PPP6R3: variants seen among roughly 807,000 people sequenced by gnomAD.
PPP6R3 encodes serine/threonine-protein phosphatase 6 regulatory subunit 3.
Under a neutral mutation model 110.7 loss-of-function variants are expected in PPP6R3, and 38 were observed. The ratio of observed to expected loss-of-function variants is 0.34; its 90% CI spans 0.26 to 0.45. The LOEUF (loss-of-function observed/expected upper bound fraction) is 0.45. Ranked by LOEUF, PPP6R3 falls within the 20% of genes least tolerant of loss-of-function variation. The pLI is 1.00. For synonymous variants in PPP6R3, 369 were observed against 373.5 expected (o/e 0.99, Z 0.14); for missense variants, 870 against 1,062.4 (o/e 0.82, Z 2.52).
In PPP6R3 at chr11:68,544,910, A is replaced by G. The variant is rs1565736824; in HGVS notation, c.300A>G (p.Glu100=). The change falls in exon 4 of 24, where the codon GAA becomes GAG. Residue 100 remains glutamate (E), a synonymous_variant. Transcript: ENST00000393800. The part of the protein sequence containing the change: ...SQMNDRLGED[E]SLLMKLYSFL... ...TGAATGATAGACTGGGAGAAGATGAATCCTTGCTAATGAAATTATATAGCT... is the reference window on the plus strand; with the variant it reads ...TGAATGATAGACTGGGAGAAGATGAGTCCTTGCTAATGAAATTATATAGCT... 6.2e-7 allele frequency: 1 copy of G among 1,606,070 alleles called. No individual in the cohort carries two copies. The highest frequency in any genetic ancestry group is 8.5e-7 in the Non-Finnish European group (1 of 1,172,756).
At chr11:68,599,949 T>G (rs541683585) in intron 19 of PPP6R3, among the ~76,000 whole-genome samples, 2 of 152,144 alleles carry the variant, frequency 1.3e-5, no homozygotes, top group Non-Finnish European at 2.9e-5. Context: ...CAGTGAAACC[T>G]GTCTCTACTA....
At position 68,537,653 on chromosome 11, in the gene PPP6R3, G is replaced by A; in HGVS notation, c.-6-6G>A. 1 of 1,509,918 alleles carries A rather than the reference G, an allele frequency of 6.6e-7. No homozygotes were observed. The highest frequency in any genetic ancestry group is 9.1e-7 in the Non-Finnish European group (1 of 1,102,300). The allele number at this position is 1,509,918 out of a possible 1,614,324, so 93.5% of individuals were successfully genotyped here. Reference sequence around the variant, plus strand: ...TTTTATGAAATACTTTCTGCATTTTGTTTAGACCAGCATGTTTTGGAAATT... The same window carrying A: ...TTTTATGAAATACTTTCTGCATTTTATTTAGACCAGCATGTTTTGGAAATT... On this transcript the variant is annotated splice_region_variant and splice_polypyrimidine_tract_variant and intron_variant, in intron 2 of 23. Coordinates refer to ENST00000393800, the MANE Select transcript of PPP6R3 (RefSeq NM_001164161.2).
At chr11:68,492,108 A>G (rs1192446964) in intron 1 of PPP6R3, among the ~76,000 whole-genome samples, 1 of 152,190 alleles carries the variant, frequency 6.6e-6, no homozygotes. Context: ...CTTCAAGCAC[A>G]GTGTCTTCAA....
At chr11:68,578,210 G>A (rs1330428646) in intron 14 of PPP6R3, among the ~76,000 whole-genome samples, 2 of 152,128 alleles carry the variant, frequency 1.3e-5, no homozygotes, top group African/African-American at 4.8e-5. Context: ...TCCAGAATGT[G>A]TTCAAGCTGT....
chr11:68,581,582 G>A (rs1341408165), intron 14 of PPP6R3, among the ~76,000 whole-genome samples: 2 of 152,214 alleles, frequency 1.3e-5, no homozygotes, highest in African/African-American at 4.8e-5. Context: ...CAAGTGGCCC[G>A]AAGCTCCTCT....
intron 2 of PPP6R3, among the ~76,000 whole-genome samples, chr11:68,532,035 A>T (rs2099243887): frequency 6.6e-6 from 1 of 152,194 alleles, no homozygotes; most frequent in South Asian, 2.1e-4. Context: ...AGATAGACTG[A>T]TGTTCTTGTT....
At chr11:68,500,286 CT>C (rs879619295) in intron 1 of PPP6R3, among the ~76,000 whole-genome samples, 81 of 145,150 alleles carry the variant, frequency 5.6e-4, no homozygotes, top group Admixed American at 6.9e-4. Context: ...TAAGACCTAC[CT>C]TTTTTTTTTT....
At chr11:68,489,614 G>A (rs540743543) in intron 1 of PPP6R3, among the ~76,000 whole-genome samples, 3 of 150,442 alleles carry the variant, frequency 2.0e-5, no homozygotes, top group Non-Finnish European at 3.0e-5. Flanking sequence ...TGGCAACCCC[G>A]TATTTGCCAG....
intron 22 of PPP6R3, among the ~76,000 whole-genome samples, chr11:68,604,264 T>C (rs1366929673): frequency 6.6e-6 from 1 of 152,260 alleles, no homozygotes; most frequent in Admixed American, 6.5e-5. Flanking sequence ...ACCAAGGATA[T>C]GTGCTCCAGT....
chr11:68,507,588 C>A (rs2099085576), intron 1 of PPP6R3, among the ~76,000 whole-genome samples: 1 of 152,048 alleles, frequency 6.6e-6, no homozygotes, highest in African/African-American at 2.4e-5. Context: ...ATTATCTTCC[C>A]ATCTCATTAC....
intron 2 of PPP6R3, among the ~76,000 whole-genome samples, chr11:68,526,293 T>A (rs2099197424): frequency 6.6e-6 from 1 of 152,058 alleles, no homozygotes; most frequent in South Asian, 2.1e-4. Context: ...TCTTACTCTG[T>A]CAGCCAGGCT....
chr11:68,550,594 A>C (rs1231488334), intron 5 of PPP6R3, among the ~76,000 whole-genome samples: 2 of 151,268 alleles, frequency 1.3e-5, no homozygotes, highest in African/African-American at 4.9e-5. Flanking sequence ...GGGCGGAAAA[A>C]CTCTGCCTCT....
At chr11:68,478,781 C>G (rs2098867329) in intron 1 of PPP6R3, among the ~76,000 whole-genome samples, 1 of 150,792 alleles carries the variant, frequency 6.6e-6, no homozygotes. Flanking sequence ...CCTCAGCCTC[C>G]TGAGTAGCTG....
At chr11:68,482,821 CATATAT>C (rs1287413790) in intron 1 of PPP6R3, among the ~76,000 whole-genome samples, 5 of 151,854 alleles carry the variant, frequency 3.3e-5, no homozygotes, top group African/African-American at 1.2e-4. Flanking sequence ...TGTATATTTG[CATATAT>C]ATGCTGGGTA....
chr11:68,586,526 C>G (rs543797165), intron 15 of PPP6R3: 1 of 152,254 alleles, frequency 6.6e-6, no homozygotes, highest in South Asian at 2.1e-4. Flanking sequence ...ATGTGCTCAT[C>G]TAATATCACC....
At chr11:68,582,359 C>G (rs925804267) in intron 14 of PPP6R3, among the ~76,000 whole-genome samples, 11 of 152,216 alleles carry the variant, frequency 7.2e-5, no homozygotes, top group Non-Finnish European at 1.5e-4. Context: ...TATTGTGTGA[C>G]ATTTGTAATT....
chr11:68,556,977 CCATCTTCAGG>C (rs1371607581), intron 7 of PPP6R3, among the ~76,000 whole-genome samples: 1 of 152,232 alleles, frequency 6.6e-6, no homozygotes, highest in East Asian at 1.9e-4. Flanking sequence ...CCTCTGTTAG[CCATCTTCAGG>C]CATCTGTATT....
intron 1 of PPP6R3, among the ~76,000 whole-genome samples, chr11:68,509,053 C>T (rs1357610557): frequency 1.3e-5 from 2 of 152,232 alleles, no homozygotes; most frequent in South Asian, 2.1e-4. Context: ...TAGTCTTCCT[C>T]GTTAGCTTCC....
chr11:68,609,829 A>C (rs1942445991), intron 22 of PPP6R3, 75 bp from the exon 23 acceptor site: 2 of 1,602,944 alleles, frequency 1.2e-6, no homozygotes, highest in Non-Finnish European at 1.7e-6. Flanking sequence ...AGCCATCTGC[A>C]TGTGACCTCA....
Sources: allele counts gnomAD v4.1 joint callset (sites outside exome capture counted in the v4.1 genomes callset), GRCh38; gene constraint gnomAD v4.1.1; transcripts MANE v1.5; gene names NCBI Gene and HGNC (gene_info 2026-07-23, HGNC 2026-07-21).